The following DCAF10 variants were observed in gnomAD, a reference collection of about 807,000 sequenced individuals.
The protein encoded by DCAF10 is DDB1- and CUL4-associated factor 10.
A neutral mutation model predicts 51.9 loss-of-function variants in DCAF10; 19 were observed. The ratio of observed to expected loss-of-function variants is 0.37; its 90% CI spans 0.26 to 0.54. The LOEUF is 0.54. Among genes scored for constraint, DCAF10 ranks in the 20% least tolerant of loss-of-function variants. The pLI is 0.87. For synonymous variants in DCAF10, 291 were observed against 297.1 expected (o/e 0.98, Z 0.21); for missense variants, 510 against 730.6 (o/e 0.70, Z 3.48).
intron 1 of DCAF10, among the ~76,000 whole-genome samples, chr9:37,806,822 C>G (rs927198845): frequency 6.6e-6 from 1 of 152,124 alleles, no homozygotes; most frequent in South Asian, 2.1e-4. Context: ...TAATGACACT[C>G]ATGTTATAAA....
chr9:37,855,932 C>T (rs1830834508), intron 4 of DCAF10, among the ~76,000 whole-genome samples: 1 of 152,166 alleles, frequency 6.6e-6, no homozygotes, highest in African/African-American at 2.4e-5. Flanking sequence ...GAGCAGATCG[C>T]TTGAGCCCAG....
chr9:37,856,403 T>C (rs1036915745), intron 4 of DCAF10, among the ~76,000 whole-genome samples: 27 of 152,198 alleles, frequency 1.8e-4, no homozygotes, highest in African/African-American at 6.5e-4. Flanking sequence ...TAGTGAGAAA[T>C]AGTGATTTTG....
At chr9:37,809,024 C>T (rs1158510467) in intron 1 of DCAF10, among the ~76,000 whole-genome samples, 1 of 148,452 alleles carries the variant, frequency 6.7e-6, no homozygotes, top group Non-Finnish European at 1.5e-5. Flanking sequence ...AGGAGGACTG[C>T]TTGAGCTTCA....
At chr9:37,834,263 T>G (rs1179676547) in intron 2 of DCAF10, among the ~76,000 whole-genome samples, 3 of 152,164 alleles carry the variant, frequency 2.0e-5, no homozygotes, top group Non-Finnish European at 4.4e-5. Flanking sequence ...TATGTTTTAC[T>G]AAACAGCAAC....
Position 37,867,248 on chromosome 9 carries a change from C to CTATATA in DCAF10, c.*5744_*5745insTATATA, listed in dbSNP as rs1831155219. 6.6e-6 allele frequency: 1 copy of CTATATA among 152,080 alleles called. No homozygotes were observed. Among genetic ancestry groups the CTATATA allele is most frequent in the South Asian group, 2.1e-4 (1 of 4,832 alleles). 9.4% of individuals were successfully genotyped at this position (152,080 alleles called of 1,614,324 possible). A position where few individuals can be genotyped will look rare whatever the true frequency, so the allele number is the denominator to read the frequency against. On this transcript the variant is annotated 3_prime_UTR_variant, in exon 7 of 7. Coordinates refer to ENST00000377724, the MANE Select transcript of DCAF10 (RefSeq NM_024345.5). Reference sequence around the variant, plus strand: ...TATGTATGTGTATATATAAATGCCACTATAAATGAAAATGTCACCCAGAGA... The same window carrying CTATATA: ...TATGTATGTGTATATATAAATGCCACTATATATATAAATGAAAATGTCACCCAGAGA...
chr9:37,814,119 TATA>T (rs1382601530), intron 1 of DCAF10, among the ~76,000 whole-genome samples: 1 of 88,296 alleles, frequency 1.1e-5, no homozygotes, highest in African/African-American at 4.6e-5. Context: ...TATATATATA[TATA>T]TATATTTGTT....
chr9:37,834,794 C>CTTT (rs372584446), intron 2 of DCAF10, among the ~76,000 whole-genome samples: 1 of 144,220 alleles, frequency 6.9e-6, no homozygotes, highest in Non-Finnish European at 1.5e-5. Flanking sequence ...CAATCACGTA[C>CTTT]TTTTTTTTTT....
chr9:37,815,583 T>C (rs1241878780), intron 1 of DCAF10, among the ~76,000 whole-genome samples: 1 of 152,000 alleles, frequency 6.6e-6, no homozygotes, highest in East Asian at 1.9e-4. Flanking sequence ...AGGCGGAGGT[T>C]GCAGTGAGCT....
At chr9:37,845,010 T>C (rs2078728012) in intron 3 of DCAF10, among the ~76,000 whole-genome samples, 1 of 152,200 alleles carries the variant, frequency 6.6e-6, no homozygotes, top group African/African-American at 2.4e-5. Flanking sequence ...TTTCAGCTGG[T>C]ACCAAAGAAC....
chr9:37,831,575 C>A (rs1830007988), intron 2 of DCAF10, among the ~76,000 whole-genome samples: 1 of 152,068 alleles, frequency 6.6e-6, no homozygotes, highest in South Asian at 2.1e-4. Flanking sequence ...TTTGTACATA[C>A]TTGGTAATGT....
intron 3 of DCAF10, among the ~76,000 whole-genome samples, chr9:37,844,420 G>T (rs753019716): frequency 3.3e-5 from 5 of 152,236 alleles, no homozygotes; most frequent in Non-Finnish European, 7.3e-5. Context: ...GAAGGCCGAG[G>T]TGGGTGGATC....
chr9:37,847,821 C>T (rs1830523221), intron 3 of DCAF10, among the ~76,000 whole-genome samples: 1 of 152,066 alleles, frequency 6.6e-6, no homozygotes, highest in African/African-American at 2.4e-5. Context: ...ACAAGATATA[C>T]AATCAATTGT....
chr9:37,825,014 C>A (rs564497703), intron 2 of DCAF10, among the ~76,000 whole-genome samples: 2 of 152,120 alleles, frequency 1.3e-5, no homozygotes, highest in African/African-American at 4.8e-5. Flanking sequence ...ACTGATAAAT[C>A]AAGCAGATAA....
intron 1 of DCAF10, among the ~76,000 whole-genome samples, chr9:37,808,103 T>A (rs1344678589): frequency 6.6e-6 from 1 of 152,164 alleles, no homozygotes; most frequent in Non-Finnish European, 1.5e-5. Context: ...TCATACCGAA[T>A]ACAGTTTCTC....
At chr9:37,818,177 G>T (rs1479430936) in intron 1 of DCAF10, among the ~76,000 whole-genome samples, 3 of 152,092 alleles carry the variant, frequency 2.0e-5, no homozygotes, top group African/African-American at 4.8e-5. Context: ...TGAATTTTTA[G>T]TAGAGACAGG....
intron 3 of DCAF10, among the ~76,000 whole-genome samples, chr9:37,848,689 C>T (rs1293131191): frequency 2.6e-5 from 4 of 151,898 alleles, no homozygotes; most frequent in East Asian, 1.9e-4. Context: ...TACTTAATTG[C>T]GGCCTGGCAT....
intron 2 of DCAF10, among the ~76,000 whole-genome samples, chr9:37,822,439 A>C (rs967563494): frequency 7.4e-6 from 1 of 134,464 alleles, no homozygotes; most frequent in Non-Finnish European, 1.6e-5. Context: ...ATATATATAT[A>C]TATGATGGAA....
At chr9:37,828,228 T>G (rs1829909685) in intron 2 of DCAF10, among the ~76,000 whole-genome samples, 1 of 152,188 alleles carries the variant, frequency 6.6e-6, no homozygotes, top group South Asian at 2.1e-4. Context: ...CACTCGTGCA[T>G]GTGTGGGACC....
intron 1 of DCAF10, among the ~76,000 whole-genome samples, chr9:37,812,025 A>G (rs1384167085): frequency 2.0e-5 from 3 of 151,988 alleles, no homozygotes; most frequent in African/African-American, 7.3e-5. Context: ...TGACTCTACA[A>G]AAAAATTAGC....
Sources: allele counts gnomAD v4.1 joint callset (sites outside exome capture counted in the v4.1 genomes callset), GRCh38; gene constraint gnomAD v4.1.1; transcripts MANE v1.5; gene names NCBI Gene and HGNC (gene_info 2026-07-23, HGNC 2026-07-21).